The following PTPRD variants were observed in gnomAD, a reference collection of about 807,000 sequenced individuals.
PTPRD encodes the protein protein tyrosine phosphatase receptor type D.
Under a neutral mutation model 214.5 loss-of-function variants are expected in PTPRD, and 34 were observed. That is an observed-to-expected ratio of 0.16 (90% CI 0.12 to 0.21). The LOEUF (loss-of-function observed/expected upper bound fraction) is 0.21, where lower values mean the gene tolerates loss of function less well. Ranked by LOEUF, PTPRD falls within the 10% of genes least tolerant of loss-of-function variation. The pLI, the probability that PTPRD is intolerant of heterozygous loss-of-function variation, is 1.00. For missense variants in PTPRD, 2,545 were observed against 2,398.7 expected, an observed-to-expected ratio of 1.06 and a Z score of -1.27; for synonymous variants, 1,128 against 845.7, an observed-to-expected ratio of 1.33 and a Z score of -5.79.
intron 9 of PTPRD, among the ~76,000 whole-genome samples, chr9:9,255,315 A>G (rs567916069): frequency 6.6e-6 from 1 of 152,212 alleles, no homozygotes; most frequent in South Asian, 2.1e-4. Flanking sequence ...GTCTGTATCA[A>G]TAATTTCCTT....
intron 11 of PTPRD, among the ~76,000 whole-genome samples, chr9:8,752,818 C>T (rs1365251468): frequency 6.6e-6 from 1 of 152,122 alleles, no homozygotes; most frequent in African/African-American, 2.4e-5. Flanking sequence ...AGCAGAACCA[C>T]CAAGTTGAGC....
chr9:9,611,647 A>C (rs2094520149), intron 7 of PTPRD, among the ~76,000 whole-genome samples: 1 of 152,086 alleles, frequency 6.6e-6, no homozygotes, highest in South Asian at 2.1e-4. Flanking sequence ...GAACACACAC[A>C]CACACCCACG....
At chr9:8,853,411 T>G (rs1315791155) in intron 11 of PTPRD, among the ~76,000 whole-genome samples, 1 of 152,158 alleles carries the variant, frequency 6.6e-6, no homozygotes, top group Admixed American at 6.5e-5. Context: ...AATCCATTTT[T>G]ATTTTTTTAA....
At chr9:9,351,239 C>G (rs941263800) in intron 9 of PTPRD, among the ~76,000 whole-genome samples, 5 of 151,922 alleles carry the variant, frequency 3.3e-5, no homozygotes, top group African/African-American at 1.2e-4. Flanking sequence ...ACTGAAATTT[C>G]TAAAATACAT....
At chr9:9,245,636 G>A (rs1452254754) in intron 9 of PTPRD, among the ~76,000 whole-genome samples, 42 of 151,994 alleles carry the variant, frequency 2.8e-4, no homozygotes, top group Non-Finnish European at 1.0e-4. Flanking sequence ...GGGGGATGGG[G>A]GAGGGATAGC....
At chr9:9,496,171 A>G (rs559345444) in intron 8 of PTPRD, among the ~76,000 whole-genome samples, 10 of 152,288 alleles carry the variant, frequency 6.6e-5, no homozygotes, top group Non-Finnish European at 1.3e-4. Flanking sequence ...CTTGGATATG[A>G]CACCAAAAAC....
intron 39 of PTPRD, among the ~76,000 whole-genome samples, chr9:8,366,044 C>A (rs565969214): frequency 6.6e-6 from 1 of 152,306 alleles, no homozygotes; most frequent in South Asian, 2.1e-4. Flanking sequence ...ACTCCTGTGG[C>A]ACACAGGTGT....
intron 33 of PTPRD, among the ~76,000 whole-genome samples, chr9:8,453,084 G>T (rs1269960614): frequency 2.6e-5 from 4 of 152,134 alleles, no homozygotes; most frequent in Non-Finnish European, 4.4e-5. Context: ...AAAATAGAGG[G>T]AGATTAGAAG....
intron 2 of PTPRD, among the ~76,000 whole-genome samples, chr9:10,487,081 T>A (rs575358454): frequency 9.9e-5 from 15 of 152,184 alleles, no homozygotes; most frequent in Admixed American, 9.8e-4. Context: ...CTTTTTATAG[T>A]TTGTCTTGAA....
chr9:10,437,818 G>A (rs1231667491), intron 2 of PTPRD, among the ~76,000 whole-genome samples: 1 of 150,612 alleles, frequency 6.6e-6, no homozygotes, highest in Non-Finnish European at 1.5e-5. Context: ...CTGATAAAAT[G>A]CCTTTCACTC....
In PTPRD at chr9:8,345,676, C is replaced by A. The variant is rs552805175; in HGVS notation, c.4662-3698G>T. Among the ~76,000 whole-genome samples the A allele has an allele frequency of 7.6e-4, 115 of 152,158 alleles. 1 individual carries two copies. Among genetic ancestry groups the A allele is most frequent in the African/African-American group, 2.5e-3 (105 of 41,510 alleles). ...CAGCCCAAAATAATTGTATCATGAT[C>A]CTGTATCACGGTTCCATTGATTCTG... is the stretch of plus-strand genomic sequence containing the variant. On this transcript the variant is annotated intron_variant, in intron 39 of 45. Coordinates refer to ENST00000381196, the MANE Select transcript of PTPRD (RefSeq NM_002839.4).
At chr9:8,528,828 C>T (rs373726631) in intron 14 of PTPRD, 49 bp from the exon 15 acceptor site, 97 of 1,573,784 alleles carry the variant, frequency 6.2e-5, no homozygotes, top group Non-Finnish European at 7.6e-5. Flanking sequence ...GTCAGATGCT[C>T]CAAATTCAAG....
chr9:9,141,109 CTTCTCCTCTTCTTCT>C (rs1276430794), intron 10 of PTPRD, among the ~76,000 whole-genome samples: 2 of 150,194 alleles, frequency 1.3e-5, no homozygotes, highest in South Asian at 2.1e-4. Context: ...TCTCTTCTTC[CTTCTCCTCTTCTTCT>C]TCTTTTTCTC....
intron 11 of PTPRD, among the ~76,000 whole-genome samples, chr9:8,878,453 T>C (rs2098413972): frequency 6.6e-6 from 1 of 151,892 alleles, no homozygotes; most frequent in African/African-American, 2.4e-5. Context: ...TGGCATATGC[T>C]TAAGGAGAAA....
At chr9:9,331,301 T>A (rs1053773303) in intron 9 of PTPRD, among the ~76,000 whole-genome samples, 1 of 152,090 alleles carries the variant, frequency 6.6e-6, no homozygotes, top group Non-Finnish European at 1.5e-5. Context: ...TCCACCCCCA[T>A]TTCCAATTTA....
intron 23 of PTPRD, among the ~76,000 whole-genome samples, chr9:8,501,918 T>C (rs2097418652): frequency 6.6e-6 from 1 of 152,178 alleles, no homozygotes; most frequent in African/African-American, 2.4e-5. Context: ...ATAATAATCA[T>C]TTATCCCTTA....
intron 12 of PTPRD, among the ~76,000 whole-genome samples, chr9:8,679,946 TAGAGA>T (rs1424870195): frequency 6.6e-6 from 1 of 152,178 alleles, no homozygotes; most frequent in Admixed American, 6.6e-5. Context: ...GCATGTCTAC[TAGAGA>T]AAAGATCAAT....
At chr9:9,591,583 G>T (rs934151617) in intron 7 of PTPRD, among the ~76,000 whole-genome samples, 8 of 152,006 alleles carry the variant, frequency 5.3e-5, no homozygotes, top group Admixed American at 3.3e-4. Flanking sequence ...AAGTATAATG[G>T]CGGCAACTTA....
chr9:10,262,345 C>A (rs1005511579), intron 3 of PTPRD, among the ~76,000 whole-genome samples: 11 of 152,178 alleles, frequency 7.2e-5, no homozygotes, highest in African/African-American at 2.7e-4. Flanking sequence ...CAATACCTTA[C>A]AGAGTGCATC....
Sources: allele counts gnomAD v4.1 joint callset (sites outside exome capture counted in the v4.1 genomes callset), GRCh38; gene constraint gnomAD v4.1.1; transcripts MANE v1.5; gene names NCBI Gene and HGNC (gene_info 2026-07-23, HGNC 2026-07-21).